The following DOK6 variants were observed in gnomAD, a reference collection of about 807,000 sequenced individuals.
DOK6 encodes the protein docking protein 6, also known as downstream of tyrosine kinase 6.
In DOK6, 22 loss-of-function variants were observed where a neutral mutation model predicts 44.0. The ratio of observed to expected loss-of-function variants is 0.50; its 90% CI spans 0.36 to 0.71. The LOEUF (loss-of-function observed/expected upper bound fraction) is 0.71. Ranked by LOEUF, DOK6 falls within the 30% of genes least tolerant of loss-of-function variation. The probability of loss-of-function intolerance (pLI) is 0.00; values close to 1 mark genes in which losing one functional copy is unlikely to be tolerated. For missense variants in DOK6, 340 were observed against 416.4 expected, an observed-to-expected ratio of 0.82 and a Z score of 1.60; for synonymous variants, 166 against 145.5, an observed-to-expected ratio of 1.14 and a Z score of -1.01.
chr18:69,643,623 G>A (rs1191795458), intron 3 of DOK6: 1 of 152,068 alleles, frequency 6.6e-6, no homozygotes, highest in Non-Finnish European at 1.5e-5. Context: ...ATTCCATGTT[G>A]TGGTTACATC....
intron 3 of DOK6, among the ~76,000 whole-genome samples, chr18:69,626,695 C>T (rs945846284): frequency 6.6e-6 from 1 of 152,178 alleles, no homozygotes; most frequent in Non-Finnish European, 1.5e-5. Context: ...GACAGGAGAT[C>T]GAGGTGCTCA....
At chr18:69,501,651 C>G (rs1029516214) in intron 1 of DOK6, among the ~76,000 whole-genome samples, 2 of 152,062 alleles carry the variant, frequency 1.3e-5, no homozygotes, top group Admixed American at 1.3e-4. Context: ...TGCCTAATTA[C>G]AGTTGGGACA....
In DOK6 at chr18:69,741,450, C is replaced by A. The variant is rs903629954; in HGVS notation, c.738+2347C>A. ...ACCAAAAGCAAAGTTTTCCAGTTCT[C>A]CAGATACAATTTTTTTATAGATACC... On this transcript the variant is annotated intron_variant, in intron 6 of 7. Coordinates refer to ENST00000382713, the MANE Select transcript of DOK6 (RefSeq NM_152721.6). Among the ~76,000 whole-genome samples, 5 of 152,158 alleles carry A rather than the reference C, an allele frequency of 3.3e-5. No homozygotes were observed. The East Asian group carries it at 9.6e-4, about 29-fold the overall frequency.
intron 3 of DOK6, among the ~76,000 whole-genome samples, chr18:69,622,503 G>GTA (rs1356159071): frequency 6.6e-6 from 1 of 152,142 alleles, no homozygotes; most frequent in African/African-American, 2.4e-5. Flanking sequence ...TTTTGTTTAA[G>GTA]TATACTGTTG....
chr18:69,413,229 T>A (rs930792752), intron 1 of DOK6, among the ~76,000 whole-genome samples: 1 of 152,102 alleles, frequency 6.6e-6, no homozygotes, highest in African/African-American at 2.4e-5. Flanking sequence ...AGTGACTCAA[T>A]TAAGTTTTAA....
chr18:69,460,345 T>C (rs1467171667), intron 1 of DOK6, among the ~76,000 whole-genome samples: 1 of 152,190 alleles, frequency 6.6e-6, no homozygotes, highest in Non-Finnish European at 1.5e-5. Context: ...TCAGGTGTAA[T>C]TATTGTACAT....
At chr18:69,537,333 G>T (rs774339917) in intron 1 of DOK6, among the ~76,000 whole-genome samples, 2 of 151,916 alleles carry the variant, frequency 1.3e-5, no homozygotes, top group South Asian at 2.1e-4. Flanking sequence ...TTTTCCGCGG[G>T]CTATGTCAGG....
At position 69,420,716 on chromosome 18, in the gene DOK6, G is replaced by A. The variant is rs188984027; in HGVS notation, c.66+19406G>A. On this transcript the variant is annotated intron_variant, in intron 1 of 7. Coordinates refer to ENST00000382713, the MANE Select transcript of DOK6 (RefSeq NM_152721.6). ...CAGATCTGTTACACTGATTTCTAGCGCCTTCTCAGAACACCTGTTTCAACC... is the reference window on the plus strand; with the variant it reads ...CAGATCTGTTACACTGATTTCTAGCACCTTCTCAGAACACCTGTTTCAACC... 7.9e-5 allele frequency among the ~76,000 whole-genome samples: 12 copies of A among 152,138 alleles called. No homozygotes were observed. The East Asian group carries it at 1.9e-3, about 25-fold the overall frequency.
At chr18:69,767,088 C>A (rs185522938) in intron 7 of DOK6, among the ~76,000 whole-genome samples, 100 of 152,112 alleles carry the variant, frequency 6.6e-4, no homozygotes, top group African/African-American at 2.3e-3. Context: ...AAAAATTAGC[C>A]AGGCATGGTG....
intron 1 of DOK6, among the ~76,000 whole-genome samples, chr18:69,541,007 G>C (rs1423070932): frequency 1.3e-5 from 2 of 152,074 alleles, no homozygotes; most frequent in Non-Finnish European, 2.9e-5. Context: ...AGTGGGGGAG[G>C]AAGAAAAGAG....
At chr18:69,717,340 G>T (rs534651604) in intron 5 of DOK6, among the ~76,000 whole-genome samples, 50 of 152,060 alleles carry the variant, frequency 3.3e-4, no homozygotes, top group African/African-American at 1.1e-3. Context: ...CACAAGCTTT[G>T]AAAAACTTAA....
chr18:69,830,166 T>C (rs1356341010), intron 7 of DOK6, among the ~76,000 whole-genome samples: 3 of 152,178 alleles, frequency 2.0e-5, no homozygotes, highest in Admixed American at 2.0e-4. Flanking sequence ...TCAGTTTTTG[T>C]TACCAATTAT....
At chr18:69,488,549 G>A (rs1201895162) in intron 1 of DOK6, among the ~76,000 whole-genome samples, 1 of 152,180 alleles carries the variant, frequency 6.6e-6, no homozygotes, top group Non-Finnish European at 1.5e-5. Flanking sequence ...TGGACTCACA[G>A]TTCCACATGG....
rs936292342 is a variant in DOK6, at chr18:69,476,465, G to C, written c.66+75155G>C. ...GGATTCTTGGAAGGCACGGGTAATC[G>C]TCACTTGATCAGTCAGAGTTCCCGG... On this transcript the variant is annotated intron_variant, in intron 1 of 7. Coordinates refer to ENST00000382713, the MANE Select transcript of DOK6 (RefSeq NM_152721.6). Among the ~76,000 whole-genome samples, 256 of 152,292 alleles carry C rather than the reference G, an allele frequency of 1.7e-3. 2 individuals are homozygous for C. Among genetic ancestry groups the C allele is most frequent in the East Asian group, 0.012 (64 of 5,180 alleles).
chr18:69,729,246 A>G (rs1978333289), intron 5 of DOK6, among the ~76,000 whole-genome samples: 1 of 152,188 alleles, frequency 6.6e-6, no homozygotes, highest in South Asian at 2.1e-4. Context: ...AATTCCCTTC[A>G]ACCAAAGATT....
At chr18:69,571,700 G>A (rs1181996316) in intron 2 of DOK6, among the ~76,000 whole-genome samples, 10 of 151,916 alleles carry the variant, frequency 6.6e-5, no homozygotes, top group Admixed American at 6.6e-4. Flanking sequence ...AAATTTTATG[G>A]AACTAATTAC....
At chr18:69,617,509 AG>A (rs1333263193) in intron 3 of DOK6, among the ~76,000 whole-genome samples, 12 of 24,352 alleles carry the variant, frequency 4.9e-4, no homozygotes, top group Admixed American at 9.3e-4. Context: ...AGAAAGAGAA[AG>A]AAAGAAAAGA....
intron 3 of DOK6, among the ~76,000 whole-genome samples, chr18:69,640,814 A>AT (rs1240975535): frequency 6.6e-6 from 1 of 152,200 alleles, no homozygotes; most frequent in African/African-American, 2.4e-5. Context: ...TGATATGAGT[A>AT]TTTATTGCTT....
chr18:69,848,780 T>C lies in DOK6; in HGVS notation c.*7397T>C, dbSNP rs188600474. 21 of 152,338 alleles carry C rather than the reference T, an allele frequency of 1.4e-4. No individual in the cohort carries two copies. In the East Asian group the frequency reaches 3.8e-3, roughly 28 times the overall value. 9.4% of individuals were successfully genotyped at this position (152,338 alleles called of 1,614,324 possible). ...ATGATATTGCTATGAGGTTGTGCAC[T>C]ATTAAAGTTTGCTCCATCACTTAAA... On this transcript the variant is annotated 3_prime_UTR_variant, in exon 8 of 8. Transcript: ENST00000382713.
Sources: allele counts gnomAD v4.1 joint callset (sites outside exome capture counted in the v4.1 genomes callset), GRCh38; gene constraint gnomAD v4.1.1; transcripts MANE v1.5; gene names NCBI Gene and HGNC (gene_info 2026-07-23, HGNC 2026-07-21).